SNTG1: variants seen among roughly 807,000 people sequenced by gnomAD.
SNTG1 encodes syntrophin gamma 1, also known as gamma-1-syntrophin.
A neutral mutation model predicts 74.7 loss-of-function variants in SNTG1; 39 were observed. That is an observed-to-expected ratio of 0.52 (90% CI 0.40 to 0.68). The LOEUF (loss-of-function observed/expected upper bound fraction) is 0.68, where lower values mean the gene tolerates loss of function less well. SNTG1 is among the 30% of genes least tolerant of loss of function. The pLI, the probability that SNTG1 is intolerant of heterozygous loss-of-function variation, is 0.00. For missense variants in SNTG1, 685 were observed against 609.5 expected (o/e 1.12, Z -1.30); for synonymous variants, 254 against 217.1 (o/e 1.17, Z -1.49).
intron 2 of SNTG1, among the ~76,000 whole-genome samples, chr8:50,367,041 G>T (rs2131116697): frequency 6.6e-6 from 1 of 151,274 alleles, no homozygotes; most frequent in African/African-American, 2.4e-5. Context: ...CACCATCAAA[G>T]AGATCTCAAC....
intron 12 of SNTG1, among the ~76,000 whole-genome samples, chr8:50,567,718 T>A (rs2094523961): frequency 6.6e-6 from 1 of 152,146 alleles, no homozygotes; most frequent in Non-Finnish European, 1.5e-5. Flanking sequence ...TTTAAATGGA[T>A]AATGAACTCA....
At chr8:50,339,637 T>C (rs2091259827) in intron 2 of SNTG1, among the ~76,000 whole-genome samples, 1 of 151,680 alleles carries the variant, frequency 6.6e-6, no homozygotes, top group Non-Finnish European at 1.5e-5. Flanking sequence ...AAATTGAAAA[T>C]ATAAATAAAA....
intron 8 of SNTG1, among the ~76,000 whole-genome samples, chr8:50,453,854 A>G (rs977610043): frequency 7.2e-5 from 11 of 152,326 alleles, no homozygotes; most frequent in African/African-American, 2.6e-4. Context: ...GACAGAGCCA[A>G]TGCTGCTGCT....
intron 1 of SNTG1, among the ~76,000 whole-genome samples, chr8:50,010,341 A>T (rs1815657754): frequency 6.6e-6 from 1 of 152,180 alleles, no homozygotes; most frequent in African/African-American, 2.4e-5. Flanking sequence ...AAGCACAGAG[A>T]GCTTCAGGAA....
chr8:50,404,277 A>G (rs562376784), intron 4 of SNTG1, among the ~76,000 whole-genome samples: 1 of 152,300 alleles, frequency 6.6e-6, no homozygotes, highest in Non-Finnish European at 1.5e-5. Flanking sequence ...AAATTAAAAG[A>G]TATAAACAAA....
intron 17 of SNTG1, among the ~76,000 whole-genome samples, chr8:50,711,691 G>T (rs1040623480): frequency 2.0e-5 from 3 of 152,112 alleles, no homozygotes; most frequent in African/African-American, 7.2e-5. Context: ...CAGAGTAAAC[G>T]ATTACCCTTG....
chr8:50,647,147 G>C (rs558798861), intron 13 of SNTG1, among the ~76,000 whole-genome samples: 1 of 152,032 alleles, frequency 6.6e-6, no homozygotes, highest in South Asian at 2.1e-4. Context: ...ATGACCTTGG[G>C]TATGGTGATG....
chr8:50,260,084 T>C (rs891020590), intron 2 of SNTG1, among the ~76,000 whole-genome samples: 3 of 152,148 alleles, frequency 2.0e-5, no homozygotes, highest in Admixed American at 6.6e-5. Flanking sequence ...AGCAACTGTT[T>C]TGAAATACAC....
chr8:50,362,516 CT>C (rs202179754), intron 2 of SNTG1, among the ~76,000 whole-genome samples: 17 of 148,724 alleles, frequency 1.1e-4, no homozygotes, highest in African/African-American at 2.0e-4. Flanking sequence ...TAAAGATAGT[CT>C]TTTTTTTTTA....
chr8:50,446,365 G>A (rs2093407706), intron 5 of SNTG1, among the ~76,000 whole-genome samples: 1 of 116,488 alleles, frequency 8.6e-6, no homozygotes, highest in Admixed American at 9.9e-5. Context: ...AGCTCCAAAT[G>A]TCTAATTTAA....
intron 8 of SNTG1, among the ~76,000 whole-genome samples, chr8:50,484,078 CTTTT>C (rs1461340914): frequency 6.7e-6 from 1 of 149,948 alleles, no homozygotes; most frequent in Non-Finnish European, 1.5e-5. Flanking sequence ...TTTCTTTTCT[CTTTT>C]TCTTTCTCTC....
At chr8:50,510,335 T>A (rs1009620792) in intron 9 of SNTG1, among the ~76,000 whole-genome samples, 4 of 152,180 alleles carry the variant, frequency 2.6e-5, no homozygotes, top group Non-Finnish European at 5.9e-5. Context: ...TATTGAGGAT[T>A]TTTGCATCGA....
At position 50,433,891 on chromosome 8, in the gene SNTG1, T is replaced by G. The variant is rs181733686; in HGVS notation, c.163-4652T>G. Among the ~76,000 whole-genome samples, 350 of 152,284 alleles carry G rather than the reference T, an allele frequency of 2.3e-3. 5 individuals are homozygous for G. Among genetic ancestry groups the G allele is most frequent in the Non-Finnish European group, 2.1e-3 (144 of 68,020 alleles). On this transcript the variant is annotated intron_variant, in intron 4 of 18. Coordinates refer to ENST00000642720, the MANE Select transcript of SNTG1 (RefSeq NM_018967.5). ...ATAAGTACACATAGTAGATTTTTAT[T>G]TATTTTTTATTATTATACGTTAAGT...
At chr8:50,229,362 A>C (rs776924085) in intron 2 of SNTG1, among the ~76,000 whole-genome samples, 16 of 151,592 alleles carry the variant, frequency 1.1e-4, no homozygotes, top group Non-Finnish European at 2.2e-4. Flanking sequence ...AATCCACTTT[A>C]AATATAAAGA....
At position 49,931,932 on chromosome 8, in the gene SNTG1, G is replaced by A. The variant is rs574675014; in HGVS notation, c.-103+19701G>A. Among the ~76,000 whole-genome samples, 69 of 152,244 alleles carry A rather than the reference G, an allele frequency of 4.5e-4. 1 individual carries two copies. The South Asian group carries it at 0.014, about 32-fold the overall frequency. On this transcript the variant is annotated intron_variant, in intron 1 of 18. Transcript: ENST00000642720. The stretch of plus-strand genomic sequence containing the variant: ...ATGAGGGAGGTTATGAGATTCTGGC[G>A]ATATTCACTATCTTCATTTGGACAG...
chr8:50,644,126 C>T (rs2095091892), intron 13 of SNTG1: 1 of 152,338 alleles, frequency 6.6e-6, no homozygotes, highest in Middle Eastern at 3.4e-3. Context: ...CACGCAATGT[C>T]ATCACTATGG....
At chr8:50,331,811 C>T (rs191834507) in intron 2 of SNTG1, among the ~76,000 whole-genome samples, 58 of 152,224 alleles carry the variant, frequency 3.8e-4, no homozygotes, top group South Asian at 8.3e-4. Context: ...AATTTCTTTA[C>T]GTCAGAACTT....
chr8:50,596,317 C>A (rs2094726811), intron 13 of SNTG1, among the ~76,000 whole-genome samples: 1 of 151,976 alleles, frequency 6.6e-6, no homozygotes, highest in Admixed American at 6.6e-5. Context: ...AATTCCAATT[C>A]ACTGTATTTT....
intron 2 of SNTG1, among the ~76,000 whole-genome samples, chr8:50,384,371 G>A (rs2092540004): frequency 6.6e-6 from 1 of 152,162 alleles, no homozygotes; most frequent in Non-Finnish European, 1.5e-5. Context: ...CAGTTAATAA[G>A]GCATTCTGTA....
Sources: allele counts gnomAD v4.1 joint callset (sites outside exome capture counted in the v4.1 genomes callset), GRCh38; gene constraint gnomAD v4.1.1; transcripts MANE v1.5; gene names NCBI Gene and HGNC (gene_info 2026-07-23, HGNC 2026-07-21).